CCDC69: variants seen among roughly 807,000 people sequenced by gnomAD.
CCDC69 encodes the protein coiled-coil domain-containing protein 69.
A neutral mutation model predicts 40.3 loss-of-function variants in CCDC69; 38 were observed. The observed-to-expected ratio is 0.94, with a 90% confidence interval of 0.73 to 1.24. The LOEUF is 1.24. Ranked by LOEUF, CCDC69 falls within the 50% of genes most tolerant of loss-of-function variation. The probability of loss-of-function intolerance (pLI) is 0.00; values close to 1 mark genes in which losing one functional copy is unlikely to be tolerated. For synonymous variants in CCDC69, 141 were observed against 138.9 expected (o/e 1.02, Z -0.11); for missense variants, 389 against 357.9 (o/e 1.09, Z -0.70).
chr5:151,187,161 C>T (rs1346007915), intron 5 of CCDC69, among the ~76,000 whole-genome samples: 7 of 152,208 alleles, frequency 4.6e-5, no homozygotes, highest in Non-Finnish European at 1.0e-4. Context: ...AAGATCTCCC[C>T]AGCAGTCCCT....
Position 151,199,085 on chromosome 5 carries a change from C to CT in CCDC69, c.232-2dup, listed in dbSNP as rs1207908901. ...GCTCTAGCTCCCTTTCCTTCTCCAC[C>CT]TGGGGGCAGAGAGTCCCGGGCAGGA... is the stretch of plus-strand genomic sequence containing the variant. On this transcript the variant is annotated splice_acceptor_variant, in intron 3 of 8. Transcript: ENST00000355417. LOFTEE classifies it high-confidence loss of function. The CT allele has an allele frequency of 6.2e-7, 1 of 1,613,256 alleles. No individual in the cohort carries two copies. Among genetic ancestry groups the CT allele is most frequent in the African/African-American group, 1.3e-5 (1 of 74,906 alleles).
In CCDC69 at chr5:151,223,978, CG is replaced by C. The variant is rs1208204583; in HGVS notation, c.-9del. 2 of 1,553,496 alleles carry C rather than the reference CG, an allele frequency of 1.3e-6. No homozygotes were observed. Among genetic ancestry groups the C allele is most frequent in the Non-Finnish European group, 1.7e-6 (2 of 1,156,122 alleles). On this transcript the variant is annotated 5_prime_UTR_variant, in exon 1 of 9. Transcript: ENST00000355417. Reference sequence around the variant, plus strand: ...GCTGTGTCTGCAGCCCATCCTCCTCCGGGGGCTCCCGGACGCCGCTTCCCAA... The same window carrying C: ...GCTGTGTCTGCAGCCCATCCTCCTCCGGGGCTCCCGGACGCCGCTTCCCAA...
chr5:151,186,416 A>C (rs1582038493), intron 5 of CCDC69, among the ~76,000 whole-genome samples: 1 of 96,534 alleles, frequency 1.0e-5, no homozygotes. Context: ...AGGGAGGGGA[A>C]GGGAGGGGGA....
At chr5:151,221,413 C>CA (rs1753132852) in intron 1 of CCDC69, among the ~76,000 whole-genome samples, 2 of 152,226 alleles carry the variant, frequency 1.3e-5, no homozygotes, top group South Asian at 4.1e-4. Context: ...CACCCTTCCT[C>CA]AAAAACCCTT....
intron 1 of CCDC69, among the ~76,000 whole-genome samples, chr5:151,220,683 G>A (rs1428499307): frequency 6.6e-6 from 1 of 152,108 alleles, no homozygotes; most frequent in Non-Finnish European, 1.5e-5. Flanking sequence ...TTGGAACTAT[G>A]GAGCTATAGC....
Position 151,213,858 on chromosome 5 carries a change from C to T in CCDC69, c.49-8383G>A, listed in dbSNP as rs556903992. 1.2e-4 allele frequency among the ~76,000 whole-genome samples: 18 copies of T among 152,318 alleles called. No homozygotes were observed. The South Asian group carries it at 3.7e-3, about 32-fold the overall frequency. On this transcript the variant is annotated intron_variant, in intron 1 of 8. Transcript: ENST00000355417. ...AGACTCCTTAAGAGTTCACCCAGCT[C>T]CTCCGTGTCCCATACATCACAGGCC...
intron 1 of CCDC69, among the ~76,000 whole-genome samples, chr5:151,222,890 G>A (rs1368958494): frequency 6.6e-6 from 1 of 152,178 alleles, no homozygotes; most frequent in Non-Finnish European, 1.5e-5. Context: ...CTGTTAGGCA[G>A]AAAAACCTGT....
At chr5:151,202,115 G>T (rs1047264800) in intron 2 of CCDC69, among the ~76,000 whole-genome samples, 1 of 151,754 alleles carries the variant, frequency 6.6e-6, no homozygotes, top group Non-Finnish European at 1.5e-5. Flanking sequence ...CAGCACTTTG[G>T]GAGGCTGAGG....
intron 4 of CCDC69, among the ~76,000 whole-genome samples, chr5:151,195,731 A>AAC (rs1364068483): frequency 1.3e-5 from 2 of 150,292 alleles, no homozygotes; most frequent in African/African-American, 2.4e-5. Flanking sequence ...AAAAAAAAAA[A>AAC]AAAAAAAACA....
intron 4 of CCDC69, among the ~76,000 whole-genome samples, chr5:151,189,185 T>G (rs950938509): frequency 1.3e-5 from 2 of 152,194 alleles, no homozygotes; most frequent in African/African-American, 4.8e-5. Context: ...AGTATGGGTG[T>G]TCTGTCACTG....
chr5:151,186,931 T>C (rs1752529321), intron 5 of CCDC69, among the ~76,000 whole-genome samples: 1 of 152,198 alleles, frequency 6.6e-6, no homozygotes, highest in African/African-American at 2.4e-5. Flanking sequence ...CTCCATGTCT[T>C]TGAACACATT....
At chr5:151,205,632 G>C (rs1475259323) in intron 1 of CCDC69, among the ~76,000 whole-genome samples, 157 bp from the exon 2 acceptor site, 1 of 152,232 alleles carries the variant, frequency 6.6e-6, no homozygotes, top group Non-Finnish European at 1.5e-5. Context: ...CGCAGCCCCA[G>C]GCAGCAGACC....
At chr5:151,206,305 T>C (rs1752852403) in intron 1 of CCDC69, among the ~76,000 whole-genome samples, 2 of 152,150 alleles carry the variant, frequency 1.3e-5, no homozygotes, top group Admixed American at 1.3e-4. Flanking sequence ...GGAACCTCCA[T>C]GTGTTCAGCT....
chr5:151,203,337 T>C (rs1752801989), intron 2 of CCDC69, among the ~76,000 whole-genome samples: 1 of 151,242 alleles, frequency 6.6e-6, no homozygotes, highest in Non-Finnish European at 1.5e-5. Flanking sequence ...TGAAGCCCCG[T>C]CTCTACCAAA....
intron 4 of CCDC69, among the ~76,000 whole-genome samples, chr5:151,188,706 T>C (rs1752563760): frequency 6.6e-6 from 1 of 151,670 alleles, no homozygotes; most frequent in Non-Finnish European, 1.5e-5. Flanking sequence ...ATATATAATA[T>C]CAATTTATCA....
intron 1 of CCDC69, among the ~76,000 whole-genome samples, chr5:151,210,105 C>G (rs76851681): frequency 6.6e-6 from 1 of 152,134 alleles, no homozygotes; most frequent in Non-Finnish European, 1.5e-5. Flanking sequence ...ATATTACGAG[C>G]ACTTACTACA....
chr5:151,219,609 A>G (rs999087035), intron 1 of CCDC69, among the ~76,000 whole-genome samples: 3 of 152,232 alleles, frequency 2.0e-5, no homozygotes, highest in African/African-American at 7.2e-5. Flanking sequence ...ATATAACCAT[A>G]TAAAACATAC....
At chr5:151,187,683 G>T (rs925383268) in intron 4 of CCDC69, among the ~76,000 whole-genome samples, 2 of 152,150 alleles carry the variant, frequency 1.3e-5, no homozygotes, top group Non-Finnish European at 2.9e-5. Flanking sequence ...ATAAACTATA[G>T]CCTGGGAGGA....
In CCDC69 at chr5:151,187,381, C is replaced by G; in HGVS notation, c.393+5G>C. The G allele has an allele frequency of 6.2e-7, 1 of 1,613,482 alleles. No individual in the cohort carries two copies. Among genetic ancestry groups the G allele is most frequent in the Non-Finnish European group, 8.5e-7 (1 of 1,179,436 alleles). ...CCAAGACTGACACGACCCAGCCCCT[C>G]TCACCTGCTGGGTAGAACTGGCCTC... On this transcript the variant is annotated splice_donor_5th_base_variant and intron_variant, in intron 5 of 8. Coordinates refer to ENST00000355417, the MANE Select transcript of CCDC69 (RefSeq NM_015621.3).
Sources: gnomAD v4.1 joint callset for allele counts (sites outside exome capture counted in the v4.1 genomes callset) on GRCh38, gnomAD v4.1.1 for gene constraint, MANE v1.5 for transcripts, NCBI Gene and HGNC (gene_info 2026-07-23, HGNC 2026-07-21) for gene names.